Variants in ZNF407 observed in about 807,000 individuals in gnomAD.
The protein encoded by ZNF407 is zinc finger protein 407.
ZNF407 carries 17 observed loss-of-function variants against 131.2 expected under a neutral mutation model. The observed-to-expected ratio is 0.13, with a 90% CI of 0.09 to 0.19. The LOEUF (loss-of-function observed/expected upper bound fraction) is 0.19, where lower values mean the gene tolerates loss of function less well. ZNF407 is among the 10% of genes least tolerant of loss of function. The probability of loss-of-function intolerance (pLI) is 1.00; values close to 1 mark genes in which losing one functional copy is unlikely to be tolerated. For missense variants in ZNF407, 2,681 were observed against 2,830.6 expected (o/e 0.95, Z 1.20); for synonymous variants, 1,156 against 1,062.0 (o/e 1.09, Z -1.72).
At chr18:74,909,595 G>A (rs898897387) in intron 7 of ZNF407, among the ~76,000 whole-genome samples, 1 of 152,102 alleles carries the variant, frequency 6.6e-6, no homozygotes, top group African/African-American at 2.4e-5. Context: ...CACATTGTGA[G>A]TTTCTAAGAG....
intron 3 of ZNF407, among the ~76,000 whole-genome samples, chr18:74,722,559 C>T (rs1329343660): frequency 1.3e-5 from 2 of 152,082 alleles, no homozygotes; most frequent in East Asian, 3.9e-4. Context: ...TCCTCCCTTC[C>T]TCACCTTGGC....
intron 4 of ZNF407, among the ~76,000 whole-genome samples, chr18:74,855,729 C>T (rs999349291): frequency 6.6e-6 from 1 of 152,058 alleles, no homozygotes; most frequent in African/African-American, 2.4e-5. Context: ...ATCTTCTGGC[C>T]TCTTGTATAA....
intron 7 of ZNF407, among the ~76,000 whole-genome samples, chr18:74,897,261 A>G (rs1442269349): frequency 6.6e-6 from 1 of 152,212 alleles, no homozygotes; most frequent in Non-Finnish European, 1.5e-5. Flanking sequence ...AAAATTATAA[A>G]TTGGTTCACA....
chr18:74,646,549 A>T (rs1984982352), intron 3 of ZNF407, among the ~76,000 whole-genome samples: 1 of 152,144 alleles, frequency 6.6e-6, no homozygotes, highest in Non-Finnish European at 1.5e-5. Context: ...CTATGTGATG[A>T]TTGCTGTCTC....
chr18:75,002,017 A>AG (rs1472838350), intron 8 of ZNF407, among the ~76,000 whole-genome samples: 7 of 152,184 alleles, frequency 4.6e-5, no homozygotes, highest in Non-Finnish European at 8.8e-5. Flanking sequence ...AATGTCCAGG[A>AG]GCCAGGGTCC....
intron 8 of ZNF407, among the ~76,000 whole-genome samples, chr18:75,003,676 T>A (rs1191487250): frequency 6.6e-6 from 1 of 152,214 alleles, no homozygotes; most frequent in Non-Finnish European, 1.5e-5. Flanking sequence ...GGTCACATAA[T>A]ACATTTCTAG....
intron 4 of ZNF407, among the ~76,000 whole-genome samples, chr18:74,849,140 G>T (rs568751364): frequency 6.7e-6 from 1 of 149,662 alleles, no homozygotes; most frequent in African/African-American, 2.5e-5. Context: ...GTGCAGTGGC[G>T]CAATCTCGGC....
chr18:74,599,890 C>T (rs1982504950), intron 1 of ZNF407, among the ~76,000 whole-genome samples: 1 of 152,198 alleles, frequency 6.6e-6, no homozygotes, highest in Admixed American at 6.5e-5. Flanking sequence ...ATAGTTGTGA[C>T]TCTTTCGACT....
chr18:74,633,899 A>T lies in ZNF407; in HGVS notation c.2880A>T (p.Pro960=). ...CACCCACCTCCGTTTTAGAGAAGCCAGATCGTGGAAACTCAATTGAAGCTG... is the reference window on the plus strand; with the variant it reads ...CACCCACCTCCGTTTTAGAGAAGCCTGATCGTGGAAACTCAATTGAAGCTG... ...AESPTSVLEK[P]DRGNSIEAEV... is the part of the protein sequence containing the mutation. The change falls in exon 2 of 9, where the codon CCA becomes CCT. Residue 960 remains proline, a synonymous_variant. Transcript: ENST00000299687. 1 of 1,614,052 alleles carries T rather than the reference A, an allele frequency of 6.2e-7. No homozygotes were observed. The highest frequency in any genetic ancestry group is 8.5e-7 in the Non-Finnish European group (1 of 1,179,906).
At chr18:74,605,760 ATGAAC>A (rs1343284369) in intron 1 of ZNF407, among the ~76,000 whole-genome samples, 1 of 152,232 alleles carries the variant, frequency 6.6e-6, no homozygotes, top group African/African-American at 2.4e-5. Flanking sequence ...TAACTTTATT[ATGAAC>A]CCAGTAAGAT....
At chr18:75,040,161 G>A (rs1973356522) in intron 8 of ZNF407, among the ~76,000 whole-genome samples, 1 of 152,142 alleles carries the variant, frequency 6.6e-6, no homozygotes, top group Non-Finnish European at 1.5e-5. Flanking sequence ...CATGTGAACT[G>A]GGATGAAGTA....
intron 4 of ZNF407, among the ~76,000 whole-genome samples, chr18:74,875,430 G>A (rs1275528412): frequency 6.6e-6 from 1 of 152,120 alleles, no homozygotes; most frequent in Admixed American, 6.5e-5. Context: ...AAAAATGAGG[G>A]ATTTATTTTG....
chr18:74,871,023 A>G (rs1971079295), intron 4 of ZNF407, among the ~76,000 whole-genome samples: 1 of 152,200 alleles, frequency 6.6e-6, no homozygotes, highest in African/African-American at 2.4e-5. Flanking sequence ...GTATCTCACA[A>G]TTATGATGCT....
intron 3 of ZNF407, among the ~76,000 whole-genome samples, chr18:74,654,641 A>G (rs1391650724): frequency 1.3e-5 from 2 of 151,904 alleles, no homozygotes; most frequent in African/African-American, 4.8e-5. Flanking sequence ...GAAAATTTAT[A>G]TTAAAAATAA....
At chr18:74,791,354 A>G (rs902968874) in intron 4 of ZNF407, among the ~76,000 whole-genome samples, 1 of 152,250 alleles carries the variant, frequency 6.6e-6, no homozygotes, top group African/African-American at 2.4e-5. Flanking sequence ...GTCAATATAA[A>G]GATCTGCTTT....
chr18:74,623,311 AGGGTAAGTGCAT>A (rs1983638619), intron 1 of ZNF407, among the ~76,000 whole-genome samples: 1 of 139,388 alleles, frequency 7.2e-6, no homozygotes, highest in African/African-American at 2.6e-5. Flanking sequence ...TGAGTGCGTG[AGGGTAAGTGCAT>A]GTGTGAAACT....
At chr18:74,954,294 A>C (rs149059249) in intron 8 of ZNF407, among the ~76,000 whole-genome samples, 1 of 152,216 alleles carries the variant, frequency 6.6e-6, no homozygotes, top group Non-Finnish European at 1.5e-5. Context: ...TATTTTCAAA[A>C]TAGATACTTG....
chr18:74,958,407 CA>C, intron 8 of ZNF407, among the ~76,000 whole-genome samples: 1 of 152,238 alleles, frequency 6.6e-6, no homozygotes, highest in African/African-American at 2.4e-5. Flanking sequence ...GTTGCCTCCT[CA>C]CAGTGGGCCT....
At chr18:74,848,161 A>G (rs1970728592) in intron 4 of ZNF407, among the ~76,000 whole-genome samples, 1 of 152,210 alleles carries the variant, frequency 6.6e-6, no homozygotes, top group Non-Finnish European at 1.5e-5. Context: ...TATATATTTC[A>G]TTGAAACATG....
Sources: allele counts gnomAD v4.1 joint callset (sites outside exome capture counted in the v4.1 genomes callset), GRCh38; gene constraint gnomAD v4.1.1; transcripts MANE v1.5; gene names NCBI Gene and HGNC (gene_info 2026-07-23, HGNC 2026-07-21).